Variants in ACCSL observed in about 807,000 individuals in gnomAD.
The protein encoded by ACCSL is 1-aminocyclopropane-1-carboxylate synthase homolog (inactive) like.
ACCSL carries 55 observed loss-of-function variants against 61.7 expected under a neutral mutation model. That is an observed-to-expected ratio of 0.89 (90% CI 0.72 to 1.12). The LOEUF is 1.12. Ranked by LOEUF, ACCSL falls within the 50% of genes most tolerant of loss-of-function variation. The probability of loss-of-function intolerance (pLI) is 0.00; values close to 1 mark genes in which losing one functional copy is unlikely to be tolerated. For missense variants in ACCSL, 632 were observed against 698.0 expected, an observed-to-expected ratio of 0.91 and a Z score of 1.07; for synonymous variants, 258 against 264.3, an observed-to-expected ratio of 0.98 and a Z score of 0.23.
chr11:44,047,703 C>T (rs1472205221), upstream of ACCSL, among the ~76,000 whole-genome samples: 1 of 152,200 alleles, frequency 6.6e-6, no homozygotes, highest in East Asian at 1.9e-4. Flanking sequence ...GCAGGAAGTG[C>T]TCAGGTTGAA....
rs1054840944 is a variant in ACCSL at position 44,051,523 on chromosome 11, A to C, written c.705+119A>C. 1.2e-5 allele frequency: 19 copies of C among 1,528,404 alleles called. No individual in the cohort carries two copies. In the African/African-American group the frequency reaches 1.9e-4, roughly 15 times the overall value. 94.7% of individuals were successfully genotyped at this position (1,528,404 alleles called of 1,614,324 possible). A position where few individuals can be genotyped will look rare whatever the true frequency, so the allele number is the denominator to read the frequency against. ...TGAAGACTCTCAGGGCCAGGGCAGCATGAAGGCCAATGTGTCCCAACTGAG... is the reference window on the plus strand; with the variant it reads ...TGAAGACTCTCAGGGCCAGGGCAGCCTGAAGGCCAATGTGTCCCAACTGAG... On this transcript the variant is annotated intron_variant, in intron 4 of 13. Coordinates refer to ENST00000378832, the MANE Select transcript of ACCSL (RefSeq NM_001031854.2).
chr11:44,026,192 AGGTCTCTGTTT>A, the ACCSL span, among the ~76,000 whole-genome samples: 3 of 152,168 alleles, frequency 2.0e-5, no homozygotes, highest in African/African-American at 7.2e-5. Context: ...GGTTTGTCAC[AGGTCTCTGTTT>A]GGTTTTCTTT....
chr11:43,968,441 T>G, the ACCSL span, among the ~76,000 whole-genome samples: 3 of 152,038 alleles, frequency 2.0e-5, no homozygotes. Context: ...TTTGCCCGTC[T>G]TTATGTGTTG....
the ACCSL span, among the ~76,000 whole-genome samples, chr11:43,967,617 C>T: frequency 2.0e-5 from 3 of 152,048 alleles, no homozygotes; most frequent in African/African-American, 4.8e-5. Flanking sequence ...CACAGAACAC[C>T]GTTTGGTCAG....
chr11:43,985,769 C>A, the ACCSL span, among the ~76,000 whole-genome samples: 1 of 152,188 alleles, frequency 6.6e-6, no homozygotes, highest in East Asian at 1.9e-4. Context: ...CTAAAGACAT[C>A]TCAGGCTGGG....
At chr11:43,943,398 C>A in the ACCSL span, 7 of 1,394,922 alleles carry the variant, frequency 5.0e-6, no homozygotes, top group Admixed American at 1.3e-4. The surrounding 1 kb of genome is among the most constrained non-coding windows in gnomAD (Gnocchi z 4.8). Context: ...CCGCTCCTCG[C>A]GCGCTCGGAC....
intron 11 of ACCSL, among the ~76,000 whole-genome samples, chr11:44,056,730 G>A (rs1178305606): frequency 1.3e-5 from 2 of 152,184 alleles, no homozygotes; most frequent in Non-Finnish European, 2.9e-5. Context: ...TACTTCGGGG[G>A]CTGAGGCAGG....
upstream of ACCSL, among the ~76,000 whole-genome samples, chr11:44,046,275 T>C (rs1453051417): frequency 6.6e-6 from 1 of 152,228 alleles, no homozygotes; most frequent in Non-Finnish European, 1.5e-5. Flanking sequence ...TTTTGCATTA[T>C]GATTAAAGGT....
the ACCSL span, among the ~76,000 whole-genome samples, chr11:44,028,595 G>A: frequency 3.7e-4 from 56 of 152,108 alleles, no homozygotes; most frequent in Admixed American, 6.6e-4. Flanking sequence ...TCATCCCTGC[G>A]TCACCTTCAT....
the ACCSL span, among the ~76,000 whole-genome samples, chr11:44,029,844 C>G: frequency 6.6e-6 from 1 of 151,850 alleles, no homozygotes; most frequent in Non-Finnish European, 1.5e-5. Flanking sequence ...GGAATCTAAG[C>G]AGGGGTCCCT....
chr11:43,967,308 G>A, the ACCSL span, among the ~76,000 whole-genome samples: 25 of 151,520 alleles, frequency 1.6e-4, no homozygotes, highest in Non-Finnish European at 2.9e-5. Context: ...CTCCCGAGTA[G>A]CTGGGATTAC....
the ACCSL span, among the ~76,000 whole-genome samples, chr11:43,958,712 AT>A: frequency 6.6e-6 from 1 of 152,138 alleles, no homozygotes; most frequent in Admixed American, 6.5e-5. Flanking sequence ...TAAGCTGGTG[AT>A]TGGCATCATC....
chr11:43,988,026 TC>T, the ACCSL span, among the ~76,000 whole-genome samples: 3 of 152,012 alleles, frequency 2.0e-5, no homozygotes, highest in Non-Finnish European at 4.4e-5. Context: ...AGCTGCTTTT[TC>T]CCACCCCCAC....
the ACCSL span, among the ~76,000 whole-genome samples, chr11:43,984,162 T>C: frequency 6.6e-6 from 1 of 151,924 alleles, no homozygotes; most frequent in Admixed American, 6.6e-5. Flanking sequence ...AGATGAGACA[T>C]AATGTATATA....
chr11:44,041,109 T>G, the ACCSL span, among the ~76,000 whole-genome samples: 1 of 152,214 alleles, frequency 6.6e-6, no homozygotes, highest in Non-Finnish European at 1.5e-5. Flanking sequence ...TTGAATAATG[T>G]TTTAGCTGTC....
the ACCSL span, among the ~76,000 whole-genome samples, chr11:43,923,980 C>T: frequency 6.6e-6 from 1 of 152,218 alleles, no homozygotes; most frequent in Non-Finnish European, 1.5e-5. Flanking sequence ...AGGACAGTCC[C>T]TATTCTCATG....
At chr11:44,015,502 C>T in the ACCSL span, among the ~76,000 whole-genome samples, 1 of 151,864 alleles carries the variant, frequency 6.6e-6, no homozygotes, top group Admixed American at 6.6e-5. Flanking sequence ...CCTCTGAGTC[C>T]TTCCTGCTTC....
the ACCSL span, among the ~76,000 whole-genome samples, chr11:43,926,862 A>C: frequency 6.6e-6 from 1 of 151,972 alleles, no homozygotes; most frequent in Non-Finnish European, 1.5e-5. Flanking sequence ...GTGATCCTCC[A>C]ACCTCAGCCT....
chr11:44,058,472 A>C lies in ACCSL; in HGVS notation c.1470+13A>C. On this transcript the variant is annotated intron_variant, in intron 12 of 13. Transcript: ENST00000378832. ...CAACTTGAAAAAGGTGTGTTCTGGG[A>C]ATGAGGACAGGTGTTCTTGGGCAGA... The C allele has an allele frequency of 6.2e-7, 1 of 1,614,174 alleles. No homozygotes were observed. Among genetic ancestry groups the C allele is most frequent in the South Asian group, 1.1e-5 (1 of 91,080 alleles).
Sources: allele counts gnomAD v4.1 joint callset (sites outside exome capture counted in the v4.1 genomes callset), GRCh38; gene constraint gnomAD v4.1.1; non-coding constraint Gnocchi (gnomAD v3.1); transcripts MANE v1.5; gene names NCBI Gene and HGNC (gene_info 2026-07-23, HGNC 2026-07-21).